Variants in GRHL2 observed in about 807,000 individuals in gnomAD.
The protein encoded by GRHL2 is grainyhead-like protein 2 homolog.
A neutral mutation model predicts 83.8 loss-of-function variants in GRHL2; 21 were observed. The ratio of observed to expected loss-of-function variants is 0.25; its 90% confidence interval spans 0.18 to 0.36. The LOEUF (loss-of-function observed/expected upper bound fraction) is 0.36, where lower values mean the gene tolerates loss of function less well. Among genes scored for constraint, GRHL2 ranks in the 10% least tolerant of loss-of-function variants. The probability of loss-of-function intolerance (pLI) is 1.00; values close to 1 mark genes in which losing one functional copy is unlikely to be tolerated. For synonymous variants in GRHL2, 280 were observed against 278.9 expected (o/e 1.00, Z -0.04); for missense variants, 623 against 781.8 (o/e 0.80, Z 2.42).
At chr8:101,564,152 G>T (rs1331886441) in intron 4 of GRHL2, among the ~76,000 whole-genome samples, 2 of 152,188 alleles carry the variant, frequency 1.3e-5, no homozygotes, top group East Asian at 1.9e-4. Context: ...TGGTTGAGCT[G>T]CTGTCCTTGT....
At chr8:101,649,565 T>C (rs1213907002) in intron 14 of GRHL2, 66 bp downstream of exon 14, 9 of 1,224,770 alleles carry the variant, frequency 7.3e-6, no homozygotes, top group Non-Finnish European at 1.1e-5. Context: ...GGAATCCATG[T>C]ACTAACGTGC....
chr8:101,606,160 C>A (rs1434335719), intron 8 of GRHL2, among the ~76,000 whole-genome samples: 1 of 152,168 alleles, frequency 6.6e-6, no homozygotes, highest in African/African-American at 2.4e-5. Context: ...ATTCAACAAA[C>A]AAATCCTCAC....
chr8:101,583,322 A>G (rs968722691), intron 7 of GRHL2, among the ~76,000 whole-genome samples: 1 of 152,256 alleles, frequency 6.6e-6, no homozygotes, highest in Admixed American at 6.5e-5. Context: ...ATGAATTGCA[A>G]AGGAGAAATA....
intron 4 of GRHL2, among the ~76,000 whole-genome samples, chr8:101,561,609 C>T (rs1393328060): frequency 2.0e-5 from 3 of 152,156 alleles, no homozygotes; most frequent in Non-Finnish European, 2.9e-5. Context: ...GTTGTATCCC[C>T]CTTCTATAAC....
At chr8:101,637,133 C>T (rs1293122909) in intron 12 of GRHL2, among the ~76,000 whole-genome samples, 1 of 152,170 alleles carries the variant, frequency 6.6e-6, no homozygotes, top group Non-Finnish European at 1.5e-5. Flanking sequence ...TTCCAGGATT[C>T]TTTCCCCACC....
At chr8:101,671,774 G>T (rs1814214138), downstream of GRHL2, among the ~76,000 whole-genome samples, 1 of 152,198 alleles carries the variant, frequency 6.6e-6, no homozygotes, top group Admixed American at 6.5e-5. Context: ...CAGCCTAACT[G>T]GGAGGCATCC....
At chr8:101,558,198 G>A (rs1362870974) in intron 3 of GRHL2, among the ~76,000 whole-genome samples, 1 of 152,128 alleles carries the variant, frequency 6.6e-6, no homozygotes, top group Non-Finnish European at 1.5e-5. Flanking sequence ...GTGAGACTGA[G>A]TGCTTCAGGT....
intron 9 of GRHL2, among the ~76,000 whole-genome samples, chr8:101,631,420 G>A (rs1586157930): frequency 1.3e-5 from 2 of 152,210 alleles, no homozygotes; most frequent in South Asian, 2.1e-4. Flanking sequence ...AAATCTGGGA[G>A]AGGTGGGATC....
At chr8:101,646,553 C>A (rs572276574) in intron 13 of GRHL2, among the ~76,000 whole-genome samples, 1 of 152,342 alleles carries the variant, frequency 6.6e-6, no homozygotes, top group Admixed American at 6.5e-5. Context: ...TTGCTTGGAG[C>A]ATCCACTGAG....
chr8:101,593,503 C>T (rs762461562), intron 7 of GRHL2, among the ~76,000 whole-genome samples: 2 of 151,930 alleles, frequency 1.3e-5, no homozygotes, highest in Non-Finnish European at 2.9e-5. Context: ...TCGTTTAAAG[C>T]GGGGTGATTA....
intron 14 of GRHL2, among the ~76,000 whole-genome samples, chr8:101,650,086 A>G (rs1813590158): frequency 6.6e-6 from 1 of 152,108 alleles, no homozygotes; most frequent in African/African-American, 2.4e-5. Context: ...TTCACTCCCA[A>G]CTGCTCCCCC....
chr8:101,547,639 T>C (rs1676400243), intron 2 of GRHL2, among the ~76,000 whole-genome samples: 1 of 152,270 alleles, frequency 6.6e-6, no homozygotes, highest in South Asian at 2.1e-4. Flanking sequence ...CAGTGGGATT[T>C]ACCCAAGATC....
chr8:101,604,396 C>T (rs1206292039), intron 8 of GRHL2, among the ~76,000 whole-genome samples: 1 of 152,132 alleles, frequency 6.6e-6, no homozygotes, highest in Non-Finnish European at 1.5e-5. Context: ...TTCCTTTCCT[C>T]CTAGATTTCT....
intron 7 of GRHL2, among the ~76,000 whole-genome samples, chr8:101,590,706 C>T (rs144590035): frequency 1.6e-4 from 25 of 152,248 alleles, no homozygotes; most frequent in Non-Finnish European, 3.5e-4. Flanking sequence ...TTGATTGCCA[C>T]CCTTAGAATT....
At chr8:101,556,635 C>T (rs1304295144) in intron 3 of GRHL2, among the ~76,000 whole-genome samples, 1 of 152,200 alleles carries the variant, frequency 6.6e-6, no homozygotes, top group Non-Finnish European at 1.5e-5. Flanking sequence ...GGTCTGAGAT[C>T]TGGGAGATCT....
intron 1 of GRHL2, among the ~76,000 whole-genome samples, chr8:101,542,569 A>G (rs1246766362): frequency 6.8e-6 from 1 of 147,618 alleles, no homozygotes; most frequent in Non-Finnish European, 1.5e-5. Context: ...AAAAAAAAAA[A>G]GAATAAATAA....
chr8:101,562,178 T>C, intron 4 of GRHL2: 1 of 616,662 alleles, frequency 1.6e-6, no homozygotes, highest in Admixed American at 2.1e-5. Context: ...TAAATTTAGC[T>C]TGGCGTTTCT....
chr8:101,623,651 GACAGTTC>G (rs1813009076), intron 9 of GRHL2, among the ~76,000 whole-genome samples: 1 of 113,730 alleles, frequency 8.8e-6, no homozygotes, highest in African/African-American at 3.2e-5. Flanking sequence ...TTCACAGTAA[GACAGTTC>G]ACAGTACACA....
intron 1 of GRHL2, among the ~76,000 whole-genome samples, chr8:101,540,829 A>G (rs529490085): frequency 1.3e-4 from 19 of 151,872 alleles, no homozygotes; most frequent in African/African-American, 4.1e-4. Context: ...TTTTATTTCT[A>G]TATTTTTCAT....
Sources: allele counts gnomAD v4.1 joint callset (sites outside exome capture counted in the v4.1 genomes callset), GRCh38; gene constraint gnomAD v4.1.1; transcripts MANE v1.5; gene names NCBI Gene and HGNC (gene_info 2026-07-23, HGNC 2026-07-21).